Variants in SCIN observed in about 807,000 individuals in gnomAD.
SCIN encodes the protein adseverin.
In SCIN, 91 loss-of-function variants were observed where a neutral mutation model predicts 91.8. The observed-to-expected ratio is 0.99, with a 90% CI of 0.84 to 1.18. SCIN has a LOEUF of 1.18. Among genes scored for constraint, SCIN ranks in the 50% most tolerant of loss-of-function variants. The probability of loss-of-function intolerance (pLI) is 0.00; values close to 1 mark genes in which losing one functional copy is unlikely to be tolerated. For missense variants in SCIN, 1,087 were observed against 863.9 expected (o/e 1.26, Z -3.24); for synonymous variants, 367 against 312.6 (o/e 1.17, Z -1.84).
chr7:12,644,471 T>C (rs1783918696), intron 12 of SCIN, 113 bp from the exon 13 acceptor site: 5 of 1,486,224 alleles, frequency 3.4e-6, no homozygotes, highest in South Asian at 2.7e-5. Context: ...ACCTGATTTC[T>C]TTAAGTAATT....
chr7:12,655,623 T>C lies in SCIN; in HGVS notation c.*2908T>C, dbSNP rs1784151988. On this transcript the variant is annotated 3_prime_UTR_variant, in exon 16 of 16. Coordinates refer to ENST00000297029, the MANE Select transcript of SCIN (RefSeq NM_001112706.3). The stretch of plus-strand genomic sequence containing the variant: ...TGTTAGTGGTCATCAAAATGTAGGG[T>C]TACAGGTTCACCCATACACTGTTAA... 1 of 152,176 alleles carries C rather than the reference T, an allele frequency of 6.6e-6. No individual in the cohort carries two copies. The highest frequency in any genetic ancestry group is 2.1e-4 in the South Asian group (1 of 4,826). 9.4% of individuals were successfully genotyped at this position (152,176 alleles called of 1,614,324 possible).
chr7:12,640,987 G>A (rs1172882864), intron 11 of SCIN, among the ~76,000 whole-genome samples: 2 of 152,110 alleles, frequency 1.3e-5, no homozygotes, highest in Admixed American at 6.5e-5. Context: ...ACAGCAGCTG[G>A]GATCAAACCC....
chr7:12,604,586 A>G lies in SCIN; in HGVS notation c.589A>G (p.Ile197Val), dbSNP rs1783032522. 1.9e-6 allele frequency: 3 copies of G among 1,552,130 alleles called. No individual in the cohort carries two copies. The highest frequency in any genetic ancestry group is 1.2e-5 in the South Asian group (1 of 84,064). The change falls in exon 4 of 16, where the codon ATT (isoleucine) becomes GTT (valine). Residue 197 changes from isoleucine to valine, a missense_variant. Ile to Val is a conservative substitution (Grantham distance 29). Coordinates refer to ENST00000297029, the MANE Select transcript of SCIN (RefSeq NM_001112706.3). The stretch of plus-strand genomic sequence containing the variant: ...GAAGGCAAACCAGGTAGCTACTGGC[A>G]TTCGGTACAATGAAAGGAAAGGAAG... ...RLKANQVATG[I>V]RYNERKGRSE... is the part of the protein sequence containing the mutation.
rs547568076 is a variant in SCIN, at chr7:12,589,261, G to C, written c.516+8040G>C. Among the ~76,000 whole-genome samples, 4 of 145,516 alleles carry C rather than the reference G, an allele frequency of 2.7e-5. No homozygotes were observed. The South Asian group carries it at 8.8e-4, about 32-fold the overall frequency. ...AGATGGAGTCTTGCTCTGTCGCCCA[G>C]GCTGGAGTGCAGTGGCATCATCTCT... On this transcript the variant is annotated intron_variant, in intron 3 of 15. Coordinates refer to ENST00000297029, the MANE Select transcript of SCIN (RefSeq NM_001112706.3).
At chr7:12,599,370 A>AGCGT (rs1782909305) in intron 3 of SCIN, among the ~76,000 whole-genome samples, 1 of 149,234 alleles carries the variant, frequency 6.7e-6, no homozygotes, top group Non-Finnish European at 1.5e-5. Flanking sequence ...TTTCATGGTG[A>AGCGT]GTGTGTGTGT....
chr7:12,644,376 C>T, intron 12 of SCIN, 61 bp downstream of exon 12: 2 of 1,506,212 alleles, frequency 1.3e-6, no homozygotes, highest in Non-Finnish European at 1.8e-6. Flanking sequence ...TGCTAATCAT[C>T]TTTTTTTCAC....
At chr7:12,577,168 C>T (rs958347175) in intron 1 of SCIN, among the ~76,000 whole-genome samples, 5 of 152,244 alleles carry the variant, frequency 3.3e-5, no homozygotes, top group South Asian at 4.1e-4. Context: ...TAAATGTTAG[C>T]GTGCTGCTTC....
intron 3 of SCIN, among the ~76,000 whole-genome samples, chr7:12,584,630 A>G (rs1009434041): frequency 3.9e-5 from 6 of 152,154 alleles, no homozygotes; most frequent in African/African-American, 1.2e-4. Flanking sequence ...ATTTAGACCC[A>G]TTGTCTCATA....
intron 3 of SCIN, among the ~76,000 whole-genome samples, chr7:12,586,912 T>G (rs1161998951): frequency 2.0e-5 from 3 of 152,178 alleles, no homozygotes; most frequent in South Asian, 4.1e-4. Context: ...ATTGTGGTTA[T>G]GAGAGATTGG....
intron 4 of SCIN, among the ~76,000 whole-genome samples, chr7:12,611,880 T>C (rs849789): frequency 1.3e-5 from 2 of 151,770 alleles, no homozygotes; most frequent in African/African-American, 4.8e-5. Context: ...CCTGTGAATA[T>C]CCACTGCACT....
At position 12,656,475 on chromosome 7, in the gene SCIN, T is replaced by C. The variant is rs2115310342; in HGVS notation, c.*3760T>C. On this transcript the variant is annotated 3_prime_UTR_variant, in exon 16 of 16. Transcript: ENST00000297029. ...AAACATTTATTTTAAACCTAATTCATTTGAACTGAACTTGAATTTAAAAGC... is the reference window on the plus strand; with the variant it reads ...AAACATTTATTTTAAACCTAATTCACTTGAACTGAACTTGAATTTAAAAGC... 6.6e-6 allele frequency: 1 copy of C among 152,356 alleles called. No homozygotes were observed. The highest frequency in any genetic ancestry group is 2.1e-4 in the South Asian group (1 of 4,828). The allele number at this position is 152,356 out of a possible 1,614,324, so 9.4% of individuals were successfully genotyped here.
chr7:12,578,862 T>G (rs1782427539), intron 2 of SCIN, among the ~76,000 whole-genome samples: 1 of 149,238 alleles, frequency 6.7e-6, no homozygotes, highest in South Asian at 2.1e-4. Flanking sequence ...CAAGAACAAA[T>G]AGTTAAATGG....
At chr7:12,595,039 G>A (rs914583230) in intron 3 of SCIN, among the ~76,000 whole-genome samples, 2 of 151,810 alleles carry the variant, frequency 1.3e-5, no homozygotes, top group African/African-American at 4.8e-5. Flanking sequence ...GATGATAGGA[G>A]AGAGAGAGAG....
chr7:12,587,925 T>G (rs1478738716), intron 3 of SCIN, among the ~76,000 whole-genome samples: 1 of 152,184 alleles, frequency 6.6e-6, no homozygotes, highest in Non-Finnish European at 1.5e-5. Flanking sequence ...CCGTACTGCT[T>G]AAGATGCAAA....
At chr7:12,582,956 A>G (rs1028334474) in intron 3 of SCIN, among the ~76,000 whole-genome samples, 3 of 152,158 alleles carry the variant, frequency 2.0e-5, no homozygotes, top group African/African-American at 7.2e-5. Flanking sequence ...TATTAGAAAA[A>G]GGAGACCTCA....
chr7:12,604,702 C>A, intron 4 of SCIN, 39 bp downstream of exon 4: 1 of 1,495,518 alleles, frequency 6.7e-7, no homozygotes, highest in Non-Finnish European at 8.9e-7. Context: ...GGTTACCACT[C>A]CAACTCGTAT....
chr7:12,590,651 G>A (rs1460871406), intron 3 of SCIN, among the ~76,000 whole-genome samples: 2 of 152,024 alleles, frequency 1.3e-5, no homozygotes, highest in Non-Finnish European at 2.9e-5. Context: ...AAGGAGAGGG[G>A]CAGAGGCAGA....
At chr7:12,589,796 G>A (rs1782679759) in intron 3 of SCIN, among the ~76,000 whole-genome samples, 1 of 152,150 alleles carries the variant, frequency 6.6e-6, no homozygotes, top group African/African-American at 2.4e-5. Context: ...GAGACTGTTG[G>A]GAGGTATTCT....
chr7:12,623,570 A>G (rs1783453409), intron 5 of SCIN, among the ~76,000 whole-genome samples: 2 of 152,168 alleles, frequency 1.3e-5, no homozygotes, highest in South Asian at 2.1e-4. Flanking sequence ...AAACTGCAAG[A>G]CACTCCAGTT....
Sources: allele counts gnomAD v4.1 joint callset (sites outside exome capture counted in the v4.1 genomes callset), GRCh38; gene constraint gnomAD v4.1.1; transcripts MANE v1.5; gene names NCBI Gene and HGNC (gene_info 2026-07-23, HGNC 2026-07-21).